SNTG1: variants seen among roughly 807,000 people sequenced by gnomAD.
SNTG1 encodes syntrophin gamma 1, also known as gamma-1-syntrophin.
In SNTG1, 39 loss-of-function variants were observed where a neutral mutation model predicts 74.7. The ratio of observed to expected loss-of-function variants is 0.52; its 90% CI spans 0.40 to 0.68. SNTG1 has a LOEUF of 0.68. Among genes scored for constraint, SNTG1 ranks in the 30% least tolerant of loss-of-function variants. SNTG1 has a pLI of 0.00. For missense variants in SNTG1, 685 were observed against 609.5 expected, an observed-to-expected ratio of 1.12 and a Z score of -1.30; for synonymous variants, 254 against 217.1, an observed-to-expected ratio of 1.17 and a Z score of -1.49.
chr8:50,684,737 TTTC>T (rs2095344999), intron 15 of SNTG1, among the ~76,000 whole-genome samples: 1 of 142,028 alleles, frequency 7.0e-6, no homozygotes, highest in Admixed American at 7.1e-5. Context: ...TTGTTTTTTT[TTTC>T]TTTTTTTTTA....
At chr8:50,107,403 A>AT (rs1419004928) in intron 1 of SNTG1, among the ~76,000 whole-genome samples, 1 of 152,192 alleles carries the variant, frequency 6.6e-6, no homozygotes, top group African/African-American at 2.4e-5. Context: ...TTAAAGGTCA[A>AT]TTTTATAAAG....
chr8:50,333,827 TAAAG>T (rs2091049211), intron 2 of SNTG1, among the ~76,000 whole-genome samples: 1 of 152,172 alleles, frequency 6.6e-6, no homozygotes, highest in Admixed American at 6.5e-5. Flanking sequence ...AAAATCAAAT[TAAAG>T]AAGGAATTAA....
intron 13 of SNTG1, among the ~76,000 whole-genome samples, chr8:50,600,738 CT>C (rs1472421343): frequency 6.6e-6 from 1 of 151,644 alleles, no homozygotes; most frequent in Non-Finnish European, 1.5e-5. Flanking sequence ...TAAAAAACAA[CT>C]TTTCACTTTG....
In SNTG1 at chr8:49,938,643, C is replaced by CTTT. The variant is rs1563371305; in HGVS notation, c.-103+26412_-103+26413insTTT. ...TCTTTCTTTCTTTCTTTCTTTCTTT[C>CTTT]CTTCCTCTCTCTCTCTCTTCCTTCC... On this transcript the variant is annotated intron_variant, in intron 1 of 18. Transcript: ENST00000642720. 2.6e-3 allele frequency among the ~76,000 whole-genome samples: 280 copies of CTTT among 106,190 alleles called. 7 individuals carry two copies. The highest frequency in any genetic ancestry group is 9.7e-3 in the African/African-American group (273 of 28,210). 69.7% of individuals were successfully genotyped at this position (106,190 alleles called of 152,430 possible).
intron 1 of SNTG1, among the ~76,000 whole-genome samples, chr8:50,071,373 G>C (rs1821350650): frequency 6.6e-6 from 1 of 151,900 alleles, no homozygotes; most frequent in East Asian, 1.9e-4. Context: ...ATGGGGTCTT[G>C]TTATTTTTCC....
At chr8:49,910,524 G>T (rs1244368946), upstream of SNTG1, among the ~76,000 whole-genome samples, 1 of 152,196 alleles carries the variant, frequency 6.6e-6, no homozygotes, top group Non-Finnish European at 1.5e-5. Context: ...TCAACGTTAT[G>T]TATTTCAACT....
intron 1 of SNTG1, among the ~76,000 whole-genome samples, chr8:49,995,579 G>T (rs1454724311): frequency 6.6e-6 from 1 of 152,230 alleles, no homozygotes; most frequent in Non-Finnish European, 1.5e-5. Context: ...AGCTGGCAGA[G>T]AATTCGGATT....
At chr8:50,486,318 A>G (rs1310410466) in intron 8 of SNTG1, among the ~76,000 whole-genome samples, 3 of 142,924 alleles carry the variant, frequency 2.1e-5, no homozygotes, top group Non-Finnish European at 4.6e-5. Context: ...ATCCTCTTTT[A>G]TTTCCTTGAG....
At chr8:49,926,472 CATAA>C (rs1375095133) in intron 1 of SNTG1, among the ~76,000 whole-genome samples, 1 of 151,980 alleles carries the variant, frequency 6.6e-6, no homozygotes, top group Non-Finnish European at 1.5e-5. Context: ...TTTAATTAAA[CATAA>C]ATTAATTAAA....
At chr8:50,134,806 G>T (rs1192812771) in intron 1 of SNTG1, among the ~76,000 whole-genome samples, 2 of 152,106 alleles carry the variant, frequency 1.3e-5, no homozygotes, top group Non-Finnish European at 2.9e-5. Context: ...AGCACAGATG[G>T]AAGTGTTCAC....
At chr8:50,399,752 G>A (rs758656353) in intron 3 of SNTG1, among the ~76,000 whole-genome samples, 1 of 151,600 alleles carries the variant, frequency 6.6e-6, no homozygotes, top group African/African-American at 2.4e-5. Flanking sequence ...GTAAGCATGA[G>A]TGACTTTGTG....
At chr8:50,180,461 G>T (rs980371718) in intron 2 of SNTG1, among the ~76,000 whole-genome samples, 5 of 152,012 alleles carry the variant, frequency 3.3e-5, no homozygotes, top group African/African-American at 9.7e-5. Context: ...GTAATAAAAC[G>T]TCTTGAAACT....
At chr8:50,706,832 C>T (rs1005166136) in intron 16 of SNTG1, among the ~76,000 whole-genome samples, 32 of 151,648 alleles carry the variant, frequency 2.1e-4, no homozygotes, top group African/African-American at 7.7e-4. Context: ...TTATCACTTC[C>T]AGTAAAGTTG....
At chr8:50,285,412 C>G (rs1333282451) in intron 2 of SNTG1, among the ~76,000 whole-genome samples, 1 of 152,116 alleles carries the variant, frequency 6.6e-6, no homozygotes, top group African/African-American at 2.4e-5. Context: ...TGCAACTGCA[C>G]TCCAGCCTGT....
chr8:50,671,777 A>G (rs891742842), intron 15 of SNTG1, among the ~76,000 whole-genome samples: 11 of 152,042 alleles, frequency 7.2e-5, no homozygotes, highest in Non-Finnish European at 1.5e-4. Context: ...CACAATAGCA[A>G]AGACTTGGAA....
At chr8:50,074,525 C>T (rs529179016) in intron 1 of SNTG1, among the ~76,000 whole-genome samples, 1 of 152,300 alleles carries the variant, frequency 6.6e-6, no homozygotes, top group Admixed American at 6.5e-5. Context: ...GTTGTTGGAA[C>T]AGTCAAAACA....
At chr8:50,527,595 AC>A (rs1490914301) in intron 9 of SNTG1, among the ~76,000 whole-genome samples, 1 of 151,996 alleles carries the variant, frequency 6.6e-6, no homozygotes, top group Non-Finnish European at 1.5e-5. Context: ...CCACTAATTT[AC>A]ATGTCTATTT....
At chr8:50,138,266 A>G (rs369898808) in intron 1 of SNTG1, among the ~76,000 whole-genome samples, 1 of 152,052 alleles carries the variant, frequency 6.6e-6, no homozygotes, top group Non-Finnish European at 1.5e-5. Flanking sequence ...GTTCAGAAAA[A>G]AAAACAGCAA....
At chr8:49,961,139 T>A (rs1194012252) in intron 1 of SNTG1, among the ~76,000 whole-genome samples, 1 of 152,216 alleles carries the variant, frequency 6.6e-6, no homozygotes, top group Non-Finnish European at 1.5e-5. Flanking sequence ...GGTCACCCTG[T>A]TCTCTGTGGA....
Sources: allele counts gnomAD v4.1 joint callset (sites outside exome capture counted in the v4.1 genomes callset), GRCh38; gene constraint gnomAD v4.1.1; transcripts MANE v1.5; gene names NCBI Gene and HGNC (gene_info 2026-07-23, HGNC 2026-07-21).